NEK11: variants seen among roughly 807,000 people sequenced by gnomAD.
NEK11 encodes serine/threonine-protein kinase Nek11.
Under a neutral mutation model 80.7 loss-of-function variants are expected in NEK11, and 72 were observed. The observed-to-expected ratio is 0.89, with a 90% CI of 0.74 to 1.08. The LOEUF is 1.08. Among genes scored for constraint, NEK11 ranks in the 50% least tolerant of loss-of-function variants. The pLI is 0.00. For synonymous variants in NEK11, 251 were observed against 260.7 expected, an observed-to-expected ratio of 0.96 and a Z score of 0.36; for missense variants, 764 against 763.6, an observed-to-expected ratio of 1.00 and a Z score of -0.01.
At chr3:131,274,064 C>G (rs1192641811) in intron 17 of NEK11, among the ~76,000 whole-genome samples, 1 of 150,626 alleles carries the variant, frequency 6.6e-6, no homozygotes, top group African/African-American at 2.4e-5. Context: ...CCCACTAACT[C>G]ATCGTCTAGC....
intron 16 of NEK11, among the ~76,000 whole-genome samples, chr3:131,263,333 C>A (rs978439434): frequency 7.2e-5 from 11 of 152,178 alleles, no homozygotes; most frequent in Non-Finnish European, 1.2e-4. Flanking sequence ...AATCCTTTCC[C>A]CATTTCTTGT....
At chr3:131,210,575 T>C (rs554916762) in intron 14 of NEK11, among the ~76,000 whole-genome samples, 1 of 152,328 alleles carries the variant, frequency 6.6e-6, no homozygotes, top group Non-Finnish European at 1.5e-5. Context: ...CAGTGGGGTG[T>C]TAAAGTCTCC....
intron 16 of NEK11, among the ~76,000 whole-genome samples, chr3:131,271,856 C>T (rs753155498): frequency 4.6e-5 from 7 of 151,076 alleles, no homozygotes; most frequent in South Asian, 2.1e-4. Context: ...TTTGGGAGGC[C>T]GAGGTGGGCG....
At chr3:131,028,843 T>C (rs1392784495) in intron 2 of NEK11, among the ~76,000 whole-genome samples, 4 of 151,894 alleles carry the variant, frequency 2.6e-5, no homozygotes, top group East Asian at 1.9e-4. Context: ...CGTGAGCCAC[T>C]GCGCCCGGCC....
chr3:131,235,899 G>C (rs17333983), intron 15 of NEK11, among the ~76,000 whole-genome samples: 7,775 of 152,254 alleles, frequency 0.051, 307 homozygotes, highest in Middle Eastern at 0.11. Context: ...GTTGGTAAAG[G>C]AGAAGAAAAG....
chr3:131,228,809 T>G, intron 15 of NEK11, 121 bp downstream of exon 15: 1 of 944,288 alleles, frequency 1.1e-6, no homozygotes, highest in Non-Finnish European at 1.5e-6. Context: ...GTTATTATAA[T>G]AGCTACTTGT....
intron 3 of NEK11, among the ~76,000 whole-genome samples, chr3:131,065,467 G>T (rs892349829): frequency 1.5e-4 from 23 of 152,132 alleles, no homozygotes; most frequent in Admixed American, 1.5e-3. Context: ...TTGAAATGAG[G>T]CCTGAACACC....
At chr3:131,338,567 C>A (rs2097233785) in intron 17 of NEK11, among the ~76,000 whole-genome samples, 1 of 152,134 alleles carries the variant, frequency 6.6e-6, no homozygotes, top group African/African-American at 2.4e-5. Flanking sequence ...ACTTTATTCA[C>A]AATCTTCAAA....
At chr3:131,300,448 T>C (rs934469457) in intron 17 of NEK11, among the ~76,000 whole-genome samples, 2 of 152,230 alleles carry the variant, frequency 1.3e-5, no homozygotes, top group Non-Finnish European at 2.9e-5. Flanking sequence ...TCATTAAATC[T>C]TTGCCAAGGC....
chr3:131,031,081 G>A (rs2064769035), intron 3 of NEK11, among the ~76,000 whole-genome samples: 1 of 152,160 alleles, frequency 6.6e-6, no homozygotes, highest in Admixed American at 6.5e-5. Context: ...TAAAATCAGT[G>A]TGATAAACAC....
At chr3:131,349,456 C>T in intron 17 of NEK11, 101 bp from the exon 18 acceptor site, 4 of 1,003,212 alleles carry the variant, frequency 4.0e-6, no homozygotes, top group Non-Finnish European at 5.8e-6. Context: ...TTCTAAATCC[C>T]AGAATGACAA....
chr3:131,260,023 C>G (rs966085796), intron 16 of NEK11, among the ~76,000 whole-genome samples: 1 of 152,124 alleles, frequency 6.6e-6, no homozygotes, highest in Non-Finnish European at 1.5e-5. Context: ...AAGTTTGTGT[C>G]AGCTAAGCCT....
intron 12 of NEK11, among the ~76,000 whole-genome samples, chr3:131,166,688 T>G (rs1340508437): frequency 6.6e-6 from 1 of 152,170 alleles, no homozygotes; most frequent in East Asian, 1.9e-4. Flanking sequence ...TGGGATCTGT[T>G]GCAGGCTACA....
At chr3:131,062,687 G>A (rs527842084) in intron 3 of NEK11, among the ~76,000 whole-genome samples, 19 of 152,236 alleles carry the variant, frequency 1.2e-4, no homozygotes, top group Non-Finnish European at 2.4e-4. Flanking sequence ...GACTGTTTTC[G>A]TCTGGCTTCC....
At chr3:131,030,398 A>T (rs1170982547) in intron 3 of NEK11, among the ~76,000 whole-genome samples, 3 of 152,212 alleles carry the variant, frequency 2.0e-5, no homozygotes, top group African/African-American at 7.2e-5. Context: ...GGAGCTAGAA[A>T]TGGGATAGAT....
At chr3:131,208,539 A>G (rs914323964) in intron 14 of NEK11, among the ~76,000 whole-genome samples, 1 of 152,184 alleles carries the variant, frequency 6.6e-6, no homozygotes, top group Non-Finnish European at 1.5e-5. Flanking sequence ...CATTGAATCT[A>G]TAAATTACCT....
At chr3:131,202,877 A>G (rs900199901) in intron 14 of NEK11, among the ~76,000 whole-genome samples, 1 of 152,240 alleles carries the variant, frequency 6.6e-6, no homozygotes, top group Non-Finnish European at 1.5e-5. Context: ...AACCACAATG[A>G]GATACTATTT....
intron 5 of NEK11, among the ~76,000 whole-genome samples, chr3:131,127,471 C>T (rs962176513): frequency 6.7e-6 from 1 of 150,292 alleles, no homozygotes; most frequent in Admixed American, 6.6e-5. Flanking sequence ...ACTCCTAGTG[C>T]ATATAAAAAT....
chr3:131,113,778 G>A (rs555034896), intron 5 of NEK11, among the ~76,000 whole-genome samples: 3 of 151,934 alleles, frequency 2.0e-5, no homozygotes, highest in East Asian at 3.9e-4. Context: ...GAGGCATGGC[G>A]GCAGGCACCT....
Sources: allele counts gnomAD v4.1 joint callset (sites outside exome capture counted in the v4.1 genomes callset), GRCh38; gene constraint gnomAD v4.1.1; transcripts MANE v1.5; gene names NCBI Gene and HGNC (gene_info 2026-07-23, HGNC 2026-07-21).